The following ASXL3 variants were observed in gnomAD, a reference collection of about 807,000 sequenced individuals.
The protein encoded by ASXL3 is putative Polycomb group protein ASXL3.
In ASXL3, 34 loss-of-function variants were observed where a neutral mutation model predicts 170.6. That is an observed-to-expected ratio of 0.20 (90% confidence interval 0.15 to 0.27). The LOEUF is 0.27. ASXL3 is among the 10% of genes least tolerant of loss of function. The pLI, the probability that ASXL3 is intolerant of heterozygous loss-of-function variation, is 1.00. For missense variants in ASXL3, 2,592 were observed against 2,695.3 expected, an observed-to-expected ratio of 0.96 and a Z score of 0.85; for synonymous variants, 1,002 against 989.1, an observed-to-expected ratio of 1.01 and a Z score of -0.24.
chr18:33,635,022 G>C (rs2065743384), intron 2 of ASXL3, among the ~76,000 whole-genome samples: 1 of 152,284 alleles, frequency 6.6e-6, no homozygotes, highest in East Asian at 1.9e-4. Flanking sequence ...AGGAGATGAA[G>C]ATGAGGGGAT....
At chr18:33,726,989 GC>G (rs2067363037) in intron 8 of ASXL3, among the ~76,000 whole-genome samples, 1 of 152,114 alleles carries the variant, frequency 6.6e-6, no homozygotes, top group African/African-American at 2.4e-5. Context: ...TGTGTGGCTT[GC>G]TTTTGCATTT....
intron 1 of ASXL3, among the ~76,000 whole-genome samples, chr18:33,591,271 G>A (rs2065074560): frequency 6.6e-6 from 1 of 151,836 alleles, no homozygotes; most frequent in Non-Finnish European, 1.5e-5. Flanking sequence ...ATTTTACTTA[G>A]CTTTGTGGAA....
intron 2 of ASXL3, among the ~76,000 whole-genome samples, chr18:33,640,915 T>G (rs2065836874): frequency 6.6e-6 from 1 of 152,058 alleles, no homozygotes; most frequent in African/African-American, 2.4e-5. Context: ...AAAATGAGGC[T>G]AAAAGAAATG....
chr18:33,739,945 C>T lies in ASXL3; in HGVS notation c.2541C>T (p.Pro847=), dbSNP rs1166211424. The T allele has an allele frequency of 1.2e-6, 2 of 1,613,914 alleles. No individual in the cohort carries two copies. The highest frequency in any genetic ancestry group is 8.5e-7 in the Non-Finnish European group (1 of 1,179,866). ...AATCACATGTTGACACTGAGAAGCC[C>T]TACCCTGCTTCAATTCCAGAACTTG... ...TCKSHVDTEK[P]YPASIPELAS... The change falls in exon 11 of 12, where the codon CCC becomes CCT. Residue 847 remains proline, a synonymous_variant. Transcript: ENST00000269197.
intron 8 of ASXL3, among the ~76,000 whole-genome samples, chr18:33,703,247 T>C (rs1568337557): frequency 6.6e-6 from 1 of 152,292 alleles, no homozygotes; most frequent in South Asian, 2.1e-4. Flanking sequence ...TATTAAATAG[T>C]TGCTTTAGGG....
chr18:33,701,589 A>G (rs2066875410), intron 8 of ASXL3, among the ~76,000 whole-genome samples: 1 of 151,970 alleles, frequency 6.6e-6, no homozygotes, highest in Non-Finnish European at 1.5e-5. Flanking sequence ...TGGGTTGATG[A>G]GAAGCCAGCT....
intron 2 of ASXL3, among the ~76,000 whole-genome samples, chr18:33,633,120 CA>C (rs1197740434): frequency 1.3e-5 from 2 of 152,076 alleles, no homozygotes; most frequent in Non-Finnish European, 2.9e-5. Flanking sequence ...AGTGAATTAG[CA>C]AAAATTTAAA....
intron 7 of ASXL3, among the ~76,000 whole-genome samples, chr18:33,682,375 C>G (rs1437977210): frequency 6.6e-6 from 1 of 152,170 alleles, no homozygotes; most frequent in Admixed American, 6.5e-5. Context: ...GGTAATTCTT[C>G]TGTCTGTGTT....
chr18:33,665,434 T>C (rs1029310408), intron 5 of ASXL3, among the ~76,000 whole-genome samples: 12 of 152,222 alleles, frequency 7.9e-5, no homozygotes, highest in Admixed American at 7.8e-4. Flanking sequence ...CTAGCGGCAA[T>C]GCAAGTTGTT....
intron 2 of ASXL3, among the ~76,000 whole-genome samples, chr18:33,634,144 A>C (rs540618744): frequency 6.6e-6 from 1 of 152,106 alleles, no homozygotes; most frequent in African/African-American, 2.4e-5. Context: ...TTTCCATGTA[A>C]TTACATTTGC....
chr18:33,582,071 A>G (rs1052717100), intron 1 of ASXL3, among the ~76,000 whole-genome samples: 1 of 152,132 alleles, frequency 6.6e-6, no homozygotes, highest in Non-Finnish European at 1.5e-5. Flanking sequence ...CCCAAACCAG[A>G]TGCATTTTCA....
chr18:33,581,616 GT>G (rs1282376105), intron 1 of ASXL3, among the ~76,000 whole-genome samples: 2 of 152,110 alleles, frequency 1.3e-5, no homozygotes, highest in African/African-American at 4.8e-5. Flanking sequence ...AAAAATATAT[GT>G]GGAAGAAGAA....
intron 8 of ASXL3, among the ~76,000 whole-genome samples, chr18:33,689,513 C>G (rs547404200): frequency 2.0e-5 from 3 of 152,276 alleles, no homozygotes; most frequent in African/African-American, 4.8e-5. Flanking sequence ...TCATTTGGAT[C>G]AGTTCTTTAG....
rs772605355 is a variant in ASXL3, at chr18:33,743,217, C to T, written c.3369C>T (p.Thr1123=). The stretch of plus-strand genomic sequence containing the variant: ...AAGCTCGAGCCCATCTCTTCCAGAC[C>T]TCTAAAGAGACCCGGTTGCCTCCTC... ...KHQARAHLFQ[T]SKETRLPPPL... The change falls in exon 12 of 12, where the codon ACC becomes ACT. Residue 1123 remains threonine (T), a synonymous_variant. Coordinates refer to ENST00000269197, the MANE Select transcript of ASXL3 (RefSeq NM_030632.3). 14 of 1,613,872 alleles carry T rather than the reference C, an allele frequency of 8.7e-6. No homozygotes were observed. Among genetic ancestry groups the T allele is most frequent in the Non-Finnish European group, 3.4e-6 (4 of 1,179,878 alleles).
At chr18:33,609,094 A>G (rs1042235283) in intron 2 of ASXL3, 101 of 980,678 alleles carry the variant, frequency 1.0e-4, no homozygotes, top group Non-Finnish European at 1.1e-4. Context: ...AACAGTACCT[A>G]ACAATTCTGT....
In ASXL3 at chr18:33,745,124, C is replaced by G. The variant is rs1218306391; in HGVS notation, c.5276C>G (p.Pro1759Arg). ...LVTQLLQGNL[P>R]LEKVLPQPRL... ...ACGCAGTTACTACAGGGCAACCTGC[C>G]TTTGGAAAAAGTGTTGCCACAGCCC... The change falls in exon 12 of 12, where the codon CCT becomes CGT. Residue 1759 changes from proline to arginine, a missense_variant. Pro to Arg is a moderately radical substitution (Grantham distance 103). Around this residue, in one of 4 missense-constraint regions of ASXL3, gnomAD observed 2,246 missense variants for 2,219.6 expected, o/e 1.01. Coordinates refer to ENST00000269197, the MANE Select transcript of ASXL3 (RefSeq NM_030632.3). The G allele has an allele frequency of 6.2e-7, 1 of 1,613,882 alleles. No individual in the cohort carries two copies. Among genetic ancestry groups the G allele is most frequent in the Non-Finnish European group, 8.5e-7 (1 of 1,179,908 alleles).
rs2067768838 is a variant in ASXL3 at position 33,745,661 on chromosome 18, C to T, written c.5813C>T (p.Ala1938Val). ...CAGTTTTACCAAATGCCTGTGGCTG[C>T]CAGGGGCCCCATTCCTACTGCAGCT... ...RQQFYQMPVAARGPIPTAALL... is the reference protein window; with the variant it reads ...RQQFYQMPVAVRGPIPTAALL... The change falls in exon 12 of 12, where the codon GCC (alanine) becomes GTC (valine). Residue 1938 changes from alanine (A) to valine (V), a missense_variant. Physicochemically the swap from Ala to Val is moderately conservative, Grantham distance 64 (BLOSUM62 0). Coordinates refer to ENST00000269197, the MANE Select transcript of ASXL3 (RefSeq NM_030632.3). The T allele has an allele frequency of 6.2e-7, 1 of 1,613,932 alleles. No individual in the cohort carries two copies. The highest frequency in any genetic ancestry group is 1.6e-4 in the Middle Eastern group (1 of 6,062).
chr18:33,618,924 T>TGTA (rs1223080599), intron 2 of ASXL3, among the ~76,000 whole-genome samples: 1 of 152,188 alleles, frequency 6.6e-6, no homozygotes, highest in Non-Finnish European at 1.5e-5. Context: ...CCATTAATTT[T>TGTA]CTTGGCATAG....
chr18:33,726,019 A>G (rs763323112), intron 8 of ASXL3, among the ~76,000 whole-genome samples: 1 of 152,170 alleles, frequency 6.6e-6, no homozygotes, highest in African/African-American at 2.4e-5. Context: ...TGTCCAGGGC[A>G]TCCTCTACAC....
Sources: gnomAD v4.1 joint callset for allele counts (sites outside exome capture counted in the v4.1 genomes callset) on GRCh38, gnomAD v4.1.1 for gene constraint, gnomAD v4.1.1 regional missense constraint, MANE v1.5 for transcripts, NCBI Gene and HGNC (gene_info 2026-07-23, HGNC 2026-07-21) for gene names.